XKR5: variants seen among roughly 807,000 people sequenced by gnomAD.
XKR5 encodes XK-related protein 5.
A neutral mutation model predicts 40.8 loss-of-function variants in XKR5; 46 were observed. The observed-to-expected ratio is 1.13, with a 90% CI of 0.89 to 1.44. XKR5 has a LOEUF of 1.44. XKR5 is among the 40% of genes most tolerant of loss of function. XKR5 has a pLI of 0.00. For missense variants in XKR5, 1,169 were observed against 844.7 expected, an observed-to-expected ratio of 1.38 and a Z score of -4.76; for synonymous variants, 466 against 356.1, an observed-to-expected ratio of 1.31 and a Z score of -3.48.
intron 2 of XKR5, among the ~76,000 whole-genome samples, chr8:6,829,920 T>C (rs986335458): frequency 2.2e-5 from 3 of 133,792 alleles, no homozygotes; most frequent in Non-Finnish European, 3.1e-5. Context: ...TCACTGCAAG[T>C]TCCGCCTAAC....
intron 5 of XKR5, among the ~76,000 whole-genome samples, chr8:6,816,676 TATTTAATTTAATTAAAAATA>T (rs1455481038): frequency 2.4e-5 from 3 of 123,398 alleles, no homozygotes; most frequent in African/African-American, 9.2e-5. Flanking sequence ...ATTAAATAAT[TATTTAATTTAATTAAAAATA>T]ATTTAATTTT....
chr8:6,828,737 C>G (rs1353165071), intron 2 of XKR5, among the ~76,000 whole-genome samples: 1 of 152,206 alleles, frequency 6.6e-6, no homozygotes, highest in African/African-American at 2.4e-5. Flanking sequence ...TTTATTGTCC[C>G]TGGTGCCATC....
At chr8:6,815,697 G>T (rs1021282489) in intron 6 of XKR5, 110 bp downstream of exon 6, 8 of 716,658 alleles carry the variant, frequency 1.1e-5, no homozygotes, top group Non-Finnish European at 1.4e-5. Context: ...TGGTTCCTTG[G>T]TCTCCAGTTA....
rs544103465 is a variant in XKR5 at position 6,829,906 on chromosome 8, C to T, written c.242+2811G>A. On this transcript the variant is annotated intron_variant, in intron 2 of 6. Transcript: ENST00000618742. ...AAGCTGGAGTCCAGTGATGCAATCT[C>T]GGCTCACTGCAAGTTCCGCCTAACG... 1.1e-4 allele frequency among the ~76,000 whole-genome samples: 15 copies of T among 139,466 alleles called. No individual in the cohort carries two copies. The South Asian group carries it at 2.8e-3, about 26-fold the overall frequency. 91.5% of individuals were successfully genotyped at this position (139,466 alleles called of 152,430 possible).
intron 2 of XKR5, among the ~76,000 whole-genome samples, chr8:6,825,916 C>T (rs558769130): frequency 2.0e-5 from 3 of 152,142 alleles, no homozygotes; most frequent in East Asian, 1.9e-4. Flanking sequence ...GTGGCTGGAG[C>T]ACCATGCGGA....
rs974323514 is a variant in XKR5 at position 6,811,415 on chromosome 8, C to G, written c.1844G>C (p.Gly615Ala). The G allele has an allele frequency of 3.3e-6, 5 of 1,537,060 alleles. No homozygotes were observed. The highest frequency in any genetic ancestry group is 4.4e-6 in the Non-Finnish European group (5 of 1,146,876). The part of the protein sequence containing the change: ...GPCRGFCPSA[G>A]FPGRTLSISE... Reference sequence around the variant, plus strand: ...GATACTGAGGGTTCTTCCAGGGAAGCCTGCACTGGGGCAGAAGCCTCTACA... The same window carrying G: ...GATACTGAGGGTTCTTCCAGGGAAGGCTGCACTGGGGCAGAAGCCTCTACA... Residue 615 changes from glycine to alanine, a missense_variant, in exon 7 of 7, where the codon GGC becomes GCC. Transcript: ENST00000618742.
rs777812992 is a variant in XKR5 at position 6,809,567 on chromosome 8, G to C, written c.*1631C>G. The C allele has an allele frequency of 2.0e-5, 3 of 152,192 alleles. No individual in the cohort carries two copies. Among genetic ancestry groups the C allele is most frequent in the Non-Finnish European group, 2.9e-5 (2 of 68,068 alleles). 9.4% of individuals were successfully genotyped at this position (152,192 alleles called of 1,614,324 possible). ...GCCTCTCAAAGTGCTGGGATTACCG[G>C]TGTGAGCCCCTGCATCCGACCCAAA... On this transcript the variant is annotated 3_prime_UTR_variant, in exon 7 of 7. Transcript: ENST00000618742.
intron 2 of XKR5, among the ~76,000 whole-genome samples, chr8:6,831,820 G>T (rs950154864): frequency 1.3e-5 from 2 of 152,044 alleles, no homozygotes; most frequent in African/African-American, 4.8e-5. Context: ...CCGAGACGAT[G>T]CTGGCTAACC....
At chr8:6,831,537 T>C (rs1379039358) in intron 2 of XKR5, among the ~76,000 whole-genome samples, 1 of 152,120 alleles carries the variant, frequency 6.6e-6, no homozygotes, top group African/African-American at 2.4e-5. Context: ...TATGTGGGGC[T>C]CATCACTCAT....
At chr8:6,830,655 T>C (rs1563363539) in intron 2 of XKR5, among the ~76,000 whole-genome samples, 2 of 152,344 alleles carry the variant, frequency 1.3e-5, no homozygotes, top group Non-Finnish European at 1.5e-5. Flanking sequence ...TAAGGATGTG[T>C]ATTTTTAAAG....
At chr8:6,822,966 G>C (rs780967177) in intron 4 of XKR5, among the ~76,000 whole-genome samples, 3 of 152,192 alleles carry the variant, frequency 2.0e-5, no homozygotes, top group Admixed American at 6.5e-5. Context: ...GTGGGACCTT[G>C]TACCTCCCTC....
chr8:6,831,379 G>A (rs557678324), intron 2 of XKR5, among the ~76,000 whole-genome samples: 3 of 152,234 alleles, frequency 2.0e-5, no homozygotes, highest in African/African-American at 4.8e-5. Context: ...ATATGCTTTC[G>A]GTGCTGTTAG....
chr8:6,832,832 G>A lies in XKR5; in HGVS notation c.127C>T (p.Leu43Phe), dbSNP rs374578377. ...GCCTGGACCAAGAACCCGGGCAGGAGGACAGCAAGGGCCAGCCACCCCCAC... is the reference window on the plus strand; with the variant it reads ...GCCTGGACCAAGAACCCGGGCAGGAAGACAGCAAGGGCCAGCCACCCCCAC... Reference protein sequence around the residue: ...LLWGWLALAVLLPGFLVQALS... With the variant: ...LLWGWLALAVFLPGFLVQALS... The change falls in exon 2 of 7, where the codon CTC (leucine) becomes TTC (phenylalanine). Residue 43 changes from leucine (L) to phenylalanine (F), a missense_variant. Leu to Phe is a conservative substitution (Grantham distance 22). Coordinates refer to ENST00000618742, the MANE Select transcript of XKR5 (RefSeq NM_207411.5). 13 of 1,611,706 alleles carry A rather than the reference G, an allele frequency of 8.1e-6. No individual in the cohort carries two copies. The South Asian group carries it at 1.3e-4, about 16-fold the overall frequency.
Position 6,815,919 on chromosome 8 carries a change from C to G in XKR5, c.808-1G>C, listed in dbSNP as rs757513658. On this transcript the variant is annotated splice_acceptor_variant, in intron 5 of 6. Transcript: ENST00000618742. LOFTEE classifies it high-confidence loss of function. ...GGATGATGTTCTCCAACAGCATGAC[C>G]TGCGGGACCCAGGACAGAGGCACCA... 2 of 1,592,534 alleles carry G rather than the reference C, an allele frequency of 1.3e-6. No individual in the cohort carries two copies. The highest frequency in any genetic ancestry group is 1.7e-6 in the Non-Finnish European group (2 of 1,169,204).
At chr8:6,814,515 G>C (rs1055849061) in intron 6 of XKR5, among the ~76,000 whole-genome samples, 1 of 152,172 alleles carries the variant, frequency 6.6e-6, no homozygotes, top group Admixed American at 6.5e-5. Flanking sequence ...AAGGGTCCTC[G>C]TGGTGATGGA....
intron 3 of XKR5, among the ~76,000 whole-genome samples, 173 bp downstream of exon 3, chr8:6,824,992 C>T (rs994692981): frequency 6.6e-6 from 1 of 152,196 alleles, no homozygotes; most frequent in African/African-American, 2.4e-5. Flanking sequence ...TCTCTGTAAA[C>T]TCAATGCACC....
Position 6,811,528 on chromosome 8 carries a change from A to C in XKR5, c.1731T>G (p.Pro577=). The change falls in exon 7 of 7, where the codon CCT becomes CCG. Residue 577 remains proline, a synonymous_variant. Transcript: ENST00000618742. ...HSGRRLGKSS[P]AQPASPHPVG... The stretch of plus-strand genomic sequence containing the variant: ...CTGGGTGGGGCGATGCAGGCTGGGC[A>C]GGGCTGCTCTTTCCCAGCCTCCTTC... The C allele has an allele frequency of 6.5e-7, 1 of 1,533,280 alleles. No homozygotes were observed. Among genetic ancestry groups the C allele is most frequent in the Non-Finnish European group, 8.7e-7 (1 of 1,144,668 alleles). The allele number at this position is 1,533,280 out of a possible 1,614,324, so 95.0% of individuals were successfully genotyped here.
intron 2 of XKR5, chr8:6,829,427 T>C (rs565786705): frequency 9.0e-4 from 148 of 163,594 alleles, no homozygotes; most frequent in African/African-American, 3.5e-3. Context: ...TCAGGTTCTC[T>C]TGAACAGAGT....
chr8:6,813,722 G>C (rs899465832), intron 6 of XKR5, among the ~76,000 whole-genome samples: 4 of 152,098 alleles, frequency 2.6e-5, no homozygotes, highest in Non-Finnish European at 4.4e-5. Flanking sequence ...GTGGCTATGG[G>C]CTCCCTACTC....
Sources: gnomAD v4.1 joint callset for allele counts (sites outside exome capture counted in the v4.1 genomes callset) on GRCh38, gnomAD v4.1.1 for gene constraint, MANE v1.5 for transcripts, NCBI Gene and HGNC (gene_info 2026-07-23, HGNC 2026-07-21) for gene names.